ITSN1: variants seen among roughly 807,000 people sequenced by gnomAD.
ITSN1 encodes the protein intersectin 1, also known as intersectin-1.
In ITSN1, 58 loss-of-function variants were observed where a neutral mutation model predicts 239.8. That is an observed-to-expected ratio of 0.24 (90% CI 0.20 to 0.30). The LOEUF (loss-of-function observed/expected upper bound fraction) is 0.30. Ranked by LOEUF, ITSN1 falls within the 10% of genes least tolerant of loss-of-function variation. ITSN1 has a pLI of 1.00. For missense variants in ITSN1, 1,558 were observed against 2,103.3 expected, an observed-to-expected ratio of 0.74 and a Z score of 5.07; for synonymous variants, 780 against 770.8, an observed-to-expected ratio of 1.01 and a Z score of -0.20.
chr21:33,874,142 G>A (rs1468124285), intron 33 of ITSN1, among the ~76,000 whole-genome samples: 2 of 106,116 alleles, frequency 1.9e-5, no homozygotes, highest in African/African-American at 3.5e-5. Context: ...GGCAACAAGA[G>A]CAAAACTCCG....
At chr21:33,823,449 T>G (rs749750462) in intron 24 of ITSN1, 38 bp from the exon 25 acceptor site, 4 of 1,582,004 alleles carry the variant, frequency 2.5e-6, no homozygotes, top group Non-Finnish European at 3.5e-6. Context: ...CTTTAAACAA[T>G]CAAGCTCTCT....
chr21:33,841,468 G>A (rs946712759), intron 29 of ITSN1, among the ~76,000 whole-genome samples: 2 of 152,188 alleles, frequency 1.3e-5, no homozygotes, highest in Non-Finnish European at 2.9e-5. Flanking sequence ...TTTTGACACA[G>A]ACCACATCAC....
At chr21:33,702,700 C>T (rs889745713) in intron 1 of ITSN1, among the ~76,000 whole-genome samples, 9 of 152,082 alleles carry the variant, frequency 5.9e-5, no homozygotes, top group Admixed American at 5.2e-4. Context: ...ATAATCTTCC[C>T]ATGTTTATGA....
At chr21:33,832,038 C>T (rs889934669) in intron 27 of ITSN1, among the ~76,000 whole-genome samples, 1 of 152,166 alleles carries the variant, frequency 6.6e-6, no homozygotes, top group African/African-American at 2.4e-5. Flanking sequence ...CATCGCCTGT[C>T]CTCCTTGCCT....
At chr21:33,655,527 C>CTTGG (rs2088972888) in intron 1 of ITSN1, among the ~76,000 whole-genome samples, 1 of 151,856 alleles carries the variant, frequency 6.6e-6, no homozygotes, top group Non-Finnish European at 1.5e-5. Flanking sequence ...TTCAAACAAT[C>CTTGG]CCCCCACCTC....
chr21:33,771,068 G>A (rs1278699045), intron 11 of ITSN1, among the ~76,000 whole-genome samples: 1 of 152,052 alleles, frequency 6.6e-6, no homozygotes, highest in Admixed American at 6.6e-5. Flanking sequence ...ACCCAGCCAG[G>A]ACTTTGAATT....
intron 33 of ITSN1, among the ~76,000 whole-genome samples, chr21:33,867,704 C>CT (rs1237162877): frequency 6.6e-6 from 1 of 151,610 alleles, no homozygotes; most frequent in Non-Finnish European, 1.5e-5. Flanking sequence ...GTCTCACTGA[C>CT]TTCAAGAATG....
chr21:33,808,192 T>TAAAAAAAAA (rs1161751723), intron 20 of ITSN1, among the ~76,000 whole-genome samples: 1 of 145,024 alleles, frequency 6.9e-6, no homozygotes, highest in African/African-American at 2.6e-5. Flanking sequence ...AGACTCCGTC[T>TAAAAAAAAA]CAAAAAAAAA....
intron 1 of ITSN1, among the ~76,000 whole-genome samples, chr21:33,656,745 C>G (rs933238793): frequency 1.3e-5 from 2 of 152,176 alleles, no homozygotes; most frequent in African/African-American, 4.8e-5. Flanking sequence ...GAGTCTCACT[C>G]TATCGCCCAG....
intron 31 of ITSN1, among the ~76,000 whole-genome samples, chr21:33,861,814 C>T (rs1051454922): frequency 4.0e-5 from 6 of 151,754 alleles, no homozygotes; most frequent in African/African-American, 7.3e-5. Flanking sequence ...GGCGTGGTGG[C>T]GGGCGCCTGT....
chr21:33,865,098 G>T lies in ITSN1; in HGVS notation c.3891-53G>T. On this transcript the variant is annotated intron_variant, in intron 31 of 39. Transcript: ENST00000381318. This position sits in a 1 kb window ranked among gnomAD's most constrained non-coding sequence, Gnocchi z 4.4. ...TTCTGTGCAACCTAAGTGTGCTGTG[G>T]TGCTGTCAGATAGCGTGAAAGCAGG... is the stretch of plus-strand genomic sequence containing the variant. 2 of 1,545,216 alleles carry T rather than the reference G, an allele frequency of 1.3e-6. No individual in the cohort carries two copies. Among genetic ancestry groups the T allele is most frequent in the Non-Finnish European group, 8.8e-7 (1 of 1,134,276 alleles).
At chr21:33,792,130 C>T (rs2071183964) in intron 16 of ITSN1, among the ~76,000 whole-genome samples, 1 of 152,172 alleles carries the variant, frequency 6.6e-6, no homozygotes, top group African/African-American at 2.4e-5. Flanking sequence ...ATCATCCATT[C>T]TGATTCATCT....
chr21:33,686,681 A>G (rs2091256197), intron 1 of ITSN1, among the ~76,000 whole-genome samples: 1 of 151,972 alleles, frequency 6.6e-6, no homozygotes, highest in African/African-American at 2.4e-5. Context: ...TCCCCTTTCC[A>G]TTTTATATAT....
At chr21:33,844,499 C>G (rs1004232158) in intron 29 of ITSN1, among the ~76,000 whole-genome samples, 4 of 152,280 alleles carry the variant, frequency 2.6e-5, no homozygotes, top group East Asian at 3.9e-4. Flanking sequence ...GTTCAGCCCC[C>G]TAGACATGCC....
intron 4 of ITSN1, among the ~76,000 whole-genome samples, chr21:33,728,216 C>T (rs900181796): frequency 2.1e-4 from 32 of 152,154 alleles, no homozygotes; most frequent in African/African-American, 6.7e-4. Context: ...CCACCTGCCT[C>T]GGCCTCTCAA....
chr21:33,860,029 G>C (rs1398354898), intron 31 of ITSN1, among the ~76,000 whole-genome samples: 1 of 152,160 alleles, frequency 6.6e-6, no homozygotes, highest in African/African-American at 2.4e-5. Flanking sequence ...GACGATAGCT[G>C]GGCACAGTGG....
chr21:33,775,901 G>A (rs2069562606), intron 14 of ITSN1, among the ~76,000 whole-genome samples: 1 of 152,164 alleles, frequency 6.6e-6, no homozygotes, highest in Non-Finnish European at 1.5e-5. Context: ...ATATCACCTG[G>A]TTTGGTATCA....
At chr21:33,885,600 C>G (rs577415823) in intron 38 of ITSN1, 78 bp downstream of exon 38, 2 of 1,080,270 alleles carry the variant, frequency 1.9e-6, no homozygotes, top group African/African-American at 3.1e-5. Flanking sequence ...CCACCTGGCT[C>G]TAGATCAAAT....
chr21:33,842,971 G>A (rs1006222623), intron 29 of ITSN1, among the ~76,000 whole-genome samples: 1 of 152,198 alleles, frequency 6.6e-6, no homozygotes, highest in South Asian at 2.1e-4. Context: ...ACTCATGCAC[G>A]CTGATCCACT....
Sources: allele counts gnomAD v4.1 joint callset (sites outside exome capture counted in the v4.1 genomes callset), GRCh38; gene constraint gnomAD v4.1.1; non-coding constraint Gnocchi (gnomAD v3.1); transcripts MANE v1.5; gene names NCBI Gene and HGNC (gene_info 2026-07-23, HGNC 2026-07-21).